Variants in IL1RAPL1 observed in about 807,000 individuals in gnomAD.
IL1RAPL1 encodes the protein interleukin 1 receptor accessory protein like 1, also known as interleukin-1 receptor accessory protein-like 1.
A neutral mutation model predicts 48.4 loss-of-function variants in IL1RAPL1; 3 were observed. The observed-to-expected ratio is 0.06, with a 90% confidence interval of 0.03 to 0.16. IL1RAPL1 has a LOEUF of 0.16. Ranked by LOEUF, IL1RAPL1 falls within the 10% of genes least tolerant of loss-of-function variation. The pLI, the probability that IL1RAPL1 is intolerant of heterozygous loss-of-function variation, is 1.00. For synonymous variants in IL1RAPL1, 185 were observed against 187.7 expected (o/e 0.99, Z 0.12); for missense variants, 349 against 530.6 (o/e 0.66, Z 3.36).
chrX:29,889,887 A>AC (rs1287960438), intron 6 of IL1RAPL1, among the ~76,000 whole-genome samples: 1 of 109,546 alleles, frequency 9.1e-6, no homozygotes, highest in East Asian at 2.8e-4. Context: ...TACTATGACC[A>AC]TTTGATTTAG....
intron 5 of IL1RAPL1, among the ~76,000 whole-genome samples, chrX:29,475,900 A>G (rs1171798080): frequency 9.0e-6 from 1 of 110,541 alleles, no homozygotes; most frequent in Non-Finnish European, 1.9e-5. Flanking sequence ...GGAGACTTAC[A>G]TATAACAGAG....
chrX:29,291,569 C>T (rs896348228), intron 3 of IL1RAPL1, among the ~76,000 whole-genome samples: 5 of 109,774 alleles, frequency 4.6e-5, no homozygotes, highest in South Asian at 4.1e-4. Flanking sequence ...CCACACCCCC[C>T]GACAGACCCC....
At chrX:29,011,196 A>G (rs961709620) in intron 2 of IL1RAPL1, among the ~76,000 whole-genome samples, 1 of 111,933 alleles carries the variant, frequency 8.9e-6, no homozygotes, top group African/African-American at 3.2e-5. Flanking sequence ...TACAGCCACA[A>G]TAGAAAACAG....
intron 2 of IL1RAPL1, among the ~76,000 whole-genome samples, chrX:28,962,882 ATGTGTGTGTGTGTGTG>A (rs56826606): frequency 6.2e-5 from 6 of 96,029 alleles, no homozygotes; most frequent in African/African-American, 1.9e-4. Flanking sequence ...GTCTGTGTGT[ATGTGTGTGTGTGTGTG>A]TGTGTGTGTG....
chrX:28,619,856 T>G (rs1046644754), intron 1 of IL1RAPL1, among the ~76,000 whole-genome samples: 20 of 111,675 alleles, frequency 1.8e-4, no homozygotes, highest in Non-Finnish European at 3.6e-4. Flanking sequence ...ATTTGTTCAC[T>G]GTCTCCATTT....
intron 5 of IL1RAPL1, among the ~76,000 whole-genome samples, chrX:29,541,502 T>TCCA (rs1921437507): frequency 9.0e-6 from 1 of 111,681 alleles, no homozygotes; most frequent in Non-Finnish European, 1.9e-5. Context: ...CCAGCACTAT[T>TCCA]GGTAATAGCA....
intron 2 of IL1RAPL1, among the ~76,000 whole-genome samples, chrX:28,873,644 G>T (rs1380540280): frequency 9.9e-5 from 10 of 100,689 alleles, no homozygotes; most frequent in South Asian, 4.7e-4. Flanking sequence ...CCATTCTCCT[G>T]CCTCAGCCTC....
intron 5 of IL1RAPL1, among the ~76,000 whole-genome samples, chrX:29,436,201 C>T (rs1307361041): frequency 4.6e-5 from 5 of 109,844 alleles, no homozygotes. Flanking sequence ...AGGAAAGTCA[C>T]AGTCATAGTA....
intron 5 of IL1RAPL1, among the ~76,000 whole-genome samples, chrX:29,556,137 C>T (rs1273078068): frequency 9.0e-6 from 1 of 111,661 alleles, no homozygotes; most frequent in East Asian, 2.8e-4. Flanking sequence ...CTTAGAGCCC[C>T]ATGGTGTCCA....
intron 1 of IL1RAPL1, among the ~76,000 whole-genome samples, chrX:28,733,092 GGTGT>G (rs776955168): frequency 2.8e-5 from 3 of 107,706 alleles, no homozygotes; most frequent in African/African-American, 1.0e-4. Context: ...TTATTATACA[GGTGT>G]GTGTGTGTGT....
In IL1RAPL1 at chrX:28,588,006, C is replaced by T. The variant is rs1416319063; in HGVS notation, c.-66C>T. The T allele has an allele frequency of 9.0e-6, 1 of 111,680 alleles. No homozygotes were observed. The highest frequency in any genetic ancestry group is 1.9e-5 in the Non-Finnish European group (1 of 53,176). 9.2% of individuals were successfully genotyped at this position (111,680 alleles called of 1,213,427 possible). A position where few individuals can be genotyped will look rare whatever the true frequency, so the allele number is the denominator to read the frequency against. On this transcript the variant is annotated 5_prime_UTR_variant, in exon 1 of 11. Coordinates refer to ENST00000378993, the MANE Select transcript of IL1RAPL1 (RefSeq NM_014271.4). ...TTGTGATGACCAGCAATTACCTTACCGACTAATATCCAGAGGAGAATAATT... is the reference window on the plus strand; with the variant it reads ...TTGTGATGACCAGCAATTACCTTACTGACTAATATCCAGAGGAGAATAATT...
chrX:28,606,757 G>A (rs1434577419), intron 1 of IL1RAPL1, among the ~76,000 whole-genome samples: 5 of 111,318 alleles, frequency 4.5e-5, no homozygotes, highest in African/African-American at 1.6e-4. Flanking sequence ...GAATTAAAGA[G>A]CTAACAAAAA....
At chrX:29,003,761 T>C (rs144696033) in intron 2 of IL1RAPL1, among the ~76,000 whole-genome samples, 1 of 112,413 alleles carries the variant, frequency 8.9e-6, no homozygotes, top group East Asian at 2.8e-4. Context: ...TTATAGATCA[T>C]AGGACTTATA....
At chrX:29,589,940 G>A (rs1923312736) in intron 5 of IL1RAPL1, among the ~76,000 whole-genome samples, 2 of 111,067 alleles carry the variant, frequency 1.8e-5, no homozygotes, top group Admixed American at 9.6e-5. Flanking sequence ...GGTGAAGGGG[G>A]AGCGGACACG....
At chrX:28,759,448 A>G (rs1432898187) in intron 1 of IL1RAPL1, among the ~76,000 whole-genome samples, 1 of 110,306 alleles carries the variant, frequency 9.1e-6, no homozygotes, top group East Asian at 2.8e-4. Context: ...TAACAACTAC[A>G]GTGAATTGAG....
At chrX:29,386,027 T>G (rs1295859354) in intron 3 of IL1RAPL1, among the ~76,000 whole-genome samples, 6 of 112,117 alleles carry the variant, frequency 5.4e-5, no homozygotes, top group African/African-American at 1.9e-4. Flanking sequence ...TTTTAAAAAT[T>G]TTTTTTAATT....
At chrX:29,042,850 T>C (rs953810725) in intron 2 of IL1RAPL1, among the ~76,000 whole-genome samples, 6 of 112,157 alleles carry the variant, frequency 5.3e-5, no homozygotes, top group Non-Finnish European at 1.1e-4. Flanking sequence ...TTACCATAGA[T>C]AGCAATAGTA....
At chrX:29,616,652 G>A (rs192772279) in intron 5 of IL1RAPL1, among the ~76,000 whole-genome samples, 34 of 110,513 alleles carry the variant, frequency 3.1e-4, no homozygotes, top group African/African-American at 9.9e-4. Flanking sequence ...CTACCAGGAG[G>A]GATTCTTTAG....
intron 2 of IL1RAPL1, among the ~76,000 whole-genome samples, chrX:28,826,060 T>C (rs192760631): frequency 3.6e-5 from 4 of 111,929 alleles, no homozygotes; most frequent in Admixed American, 2.8e-4. Flanking sequence ...GTTATCAAAA[T>C]CTTTACCTAA....
Sources: gnomAD v4.1 joint callset for allele counts (sites outside exome capture counted in the v4.1 genomes callset) on GRCh38, gnomAD v4.1.1 for gene constraint, MANE v1.5 for transcripts, NCBI Gene and HGNC (gene_info 2026-07-23, HGNC 2026-07-21) for gene names.